GRID2: variants seen among roughly 807,000 people sequenced by gnomAD.
GRID2 encodes glutamate ionotropic receptor delta type subunit 2, also known as glutamate receptor ionotropic, delta-2.
A neutral mutation model predicts 114.8 loss-of-function variants in GRID2; 33 were observed. The ratio of observed to expected loss-of-function variants is 0.29; its 90% CI spans 0.22 to 0.38. The LOEUF (loss-of-function observed/expected upper bound fraction) is 0.38. GRID2 is among the 10% of genes least tolerant of loss of function. The pLI is 1.00. For missense variants in GRID2, 1,184 were observed against 1,257.7 expected (o/e 0.94, Z 0.89); for synonymous variants, 505 against 449.9 (o/e 1.12, Z -1.55).
At chr4:93,775,423 T>A (rs113102748), downstream of GRID2, among the ~76,000 whole-genome samples, 129 of 152,344 alleles carry the variant, frequency 8.5e-4, no homozygotes, top group African/African-American at 3.0e-3. Context: ...TCACCAAGCC[T>A]AGGCTACAAA....
downstream of GRID2, among the ~76,000 whole-genome samples, chr4:93,778,624 C>T (rs556200867): frequency 3.9e-5 from 6 of 152,170 alleles, no homozygotes; most frequent in East Asian, 3.9e-4. Context: ...TCTTGAACCC[C>T]GGACCTCACA....
At chr4:92,392,115 C>T (rs1187530475) in intron 1 of GRID2, among the ~76,000 whole-genome samples, 1 of 152,166 alleles carries the variant, frequency 6.6e-6, no homozygotes, top group African/African-American at 2.4e-5. Flanking sequence ...ACCTAGGATG[C>T]ACTTCAATTA....
At chr4:93,010,226 T>C (rs1413850832) in intron 2 of GRID2, among the ~76,000 whole-genome samples, 3 of 152,134 alleles carry the variant, frequency 2.0e-5, no homozygotes, top group Non-Finnish European at 4.4e-5. Context: ...TAGATGATTA[T>C]ATGATACAGT....
chr4:93,485,383 T>C (rs10050112), intron 11 of GRID2, among the ~76,000 whole-genome samples: 37,917 of 151,544 alleles, frequency 0.25, 5,689 homozygotes, highest in Non-Finnish European at 0.35. Context: ...TGAAGTATTA[T>C]TGCAGTCAAA....
rs566816918 is a variant in GRID2, at chr4:92,637,173, TAAG to T, written c.244+46892_244+46894del. ...TAATTGCCTTTCAAAATGCTTGACT[TAAG>T]AAGAGGAAGACATCTACAATAAAAA... On this transcript the variant is annotated intron_variant, in intron 2 of 15. Coordinates refer to ENST00000282020, the MANE Select transcript of GRID2 (RefSeq NM_001510.4). Among the ~76,000 whole-genome samples, 105 of 151,826 alleles carry T rather than the reference TAAG, an allele frequency of 6.9e-4. 1 individual carries two copies. Among genetic ancestry groups the T allele is most frequent in the Admixed American group, 5.5e-3 (84 of 15,170 alleles).
intron 2 of GRID2, among the ~76,000 whole-genome samples, chr4:92,897,154 A>T (rs781350719): frequency 6.6e-6 from 1 of 152,076 alleles, no homozygotes; most frequent in African/African-American, 2.4e-5. Context: ...CCTTCTTCAG[A>T]GATTATTACT....
intron 1 of GRID2, among the ~76,000 whole-genome samples, chr4:92,395,620 A>G (rs1038885616): frequency 1.3e-5 from 2 of 151,808 alleles, no homozygotes; most frequent in Non-Finnish European, 3.0e-5. Context: ...TATTTATTCT[A>G]TGTAGCTGTT....
At chr4:92,835,142 A>C (rs1404425081) in intron 2 of GRID2, among the ~76,000 whole-genome samples, 1 of 152,042 alleles carries the variant, frequency 6.6e-6, no homozygotes, top group Non-Finnish European at 1.5e-5. Flanking sequence ...GTAAGGAGAC[A>C]AAACAAGGGT....
At chr4:93,351,154 G>T (rs1214608474) in intron 8 of GRID2, among the ~76,000 whole-genome samples, 1 of 152,048 alleles carries the variant, frequency 6.6e-6, no homozygotes, top group Non-Finnish European at 1.5e-5. Context: ...TGAGATTTGG[G>T]TGGGGACACA....
intron 1 of GRID2, among the ~76,000 whole-genome samples, chr4:92,341,560 A>T (rs1727488996): frequency 6.6e-6 from 1 of 152,200 alleles, no homozygotes; most frequent in Admixed American, 6.5e-5. Flanking sequence ...TTACAAGCAG[A>T]TAAACACTTG....
chr4:93,807,233 A>C (rs1353857559), exon 2 of GRID2: 1 of 152,154 alleles, frequency 6.6e-6, no homozygotes, highest in Non-Finnish European at 1.5e-5. Flanking sequence ...CTCAGCTTCT[A>C]TCTGTGCACG....
intron 2 of GRID2, among the ~76,000 whole-genome samples, chr4:92,846,057 A>G (rs1340147270): frequency 1.3e-5 from 2 of 152,084 alleles, no homozygotes; most frequent in South Asian, 4.2e-4. Context: ...TAAATTCATG[A>G]CTTCTTAATA....
intron 2 of GRID2, among the ~76,000 whole-genome samples, chr4:92,767,153 CT>C (rs2149349300): frequency 6.6e-6 from 1 of 152,268 alleles, no homozygotes; most frequent in African/African-American, 2.4e-5. Flanking sequence ...TTCCAGTGGG[CT>C]TGAATGTAGA....
At chr4:92,528,752 T>C (rs1725164754) in intron 1 of GRID2, among the ~76,000 whole-genome samples, 1 of 148,860 alleles carries the variant, frequency 6.7e-6, no homozygotes, top group Non-Finnish European at 1.5e-5. Flanking sequence ...GGGTCGAACA[T>C]ACTTTTGGCA....
Position 93,308,770 on chromosome 4 carries a change from A to C in GRID2, c.1245+70280A>C, listed in dbSNP as rs192756841. On this transcript the variant is annotated intron_variant, in intron 8 of 15. Coordinates refer to ENST00000282020, the MANE Select transcript of GRID2 (RefSeq NM_001510.4). Reference sequence around the variant, plus strand: ...CAATGCAATAAGACTTTTTCCAAAAATTGTTCTCACAACTCTAAGCAACTG... The same window carrying C: ...CAATGCAATAAGACTTTTTCCAAAACTTGTTCTCACAACTCTAAGCAACTG... 1.2e-3 allele frequency among the ~76,000 whole-genome samples: 181 copies of C among 152,330 alleles called. 3 individuals are homozygous for C. Among genetic ancestry groups the C allele is most frequent in the African/African-American group, 4.3e-3 (180 of 41,574 alleles).
intron 2 of GRID2, among the ~76,000 whole-genome samples, chr4:92,716,177 C>A (rs1451481156): frequency 6.6e-6 from 1 of 152,160 alleles, no homozygotes; most frequent in Non-Finnish European, 1.5e-5. Flanking sequence ...AACACATTTT[C>A]TTTCACGAGT....
chr4:92,461,022 T>A (rs1222402490), intron 1 of GRID2, among the ~76,000 whole-genome samples: 4 of 151,688 alleles, frequency 2.6e-5, no homozygotes, highest in Non-Finnish European at 4.4e-5. Context: ...CATATTTATT[T>A]TTCCATAAAT....
intron 11 of GRID2, among the ~76,000 whole-genome samples, chr4:93,480,422 G>A (rs1007617054): frequency 2.6e-5 from 4 of 151,908 alleles, no homozygotes; most frequent in African/African-American, 9.7e-5. Flanking sequence ...CTTCAGATGT[G>A]GAATTTTTCT....
At chr4:93,525,546 G>A (rs1730802218) in intron 13 of GRID2, among the ~76,000 whole-genome samples, 1 of 152,130 alleles carries the variant, frequency 6.6e-6, no homozygotes, top group Non-Finnish European at 1.5e-5. Context: ...TCAGTTTCTC[G>A]ATTGTGAAGA....
Sources: allele counts gnomAD v4.1 joint callset (sites outside exome capture counted in the v4.1 genomes callset), GRCh38; gene constraint gnomAD v4.1.1; transcripts MANE v1.5; gene names NCBI Gene and HGNC (gene_info 2026-07-23, HGNC 2026-07-21).